The following PPP2R5E variants were observed in gnomAD, a reference collection of about 807,000 sequenced individuals.
PPP2R5E encodes protein phosphatase 2 regulatory subunit B'epsilon, also known as serine/threonine-protein phosphatase 2A 56 kDa regulatory subunit epsilon isoform.
In PPP2R5E, 4 loss-of-function variants were observed where a neutral mutation model predicts 65.3. The ratio of observed to expected loss-of-function variants is 0.06; its 90% CI spans 0.03 to 0.14. The LOEUF is 0.14. Ranked by LOEUF, PPP2R5E falls within the 10% of genes least tolerant of loss-of-function variation. The pLI is 1.00. For missense variants in PPP2R5E, 274 were observed against 556.1 expected (o/e 0.49, Z 5.10); for synonymous variants, 183 against 187.4 (o/e 0.98, Z 0.19).
At position 63,395,290 on chromosome 14, in the gene PPP2R5E, G is replaced by A; in HGVS notation, c.681-5C>T. On this transcript the variant is annotated splice_region_variant and splice_polypyrimidine_tract_variant and intron_variant, in intron 6 of 13. Coordinates refer to ENST00000337537, the MANE Select transcript of PPP2R5E (RefSeq NM_006246.5). ...TGTTCTGTTTCATAAACAAACCTGA[G>A]AGAAGAGGAGAAAAGGGAGGAGAAA... 1 of 1,594,678 alleles carries A rather than the reference G, an allele frequency of 6.3e-7. No homozygotes were observed. The highest frequency in any genetic ancestry group is 1.1e-5 in the South Asian group (1 of 90,230).
At chr14:63,393,438 G>A (rs1474972865) in intron 8 of PPP2R5E, among the ~76,000 whole-genome samples, 10 of 152,152 alleles carry the variant, frequency 6.6e-5, no homozygotes, top group African/African-American at 1.9e-4. Context: ...TAGGCCCGGC[G>A]CCGTGGCTCA....
chr14:63,380,616 C>T (rs551709131), intron 13 of PPP2R5E, among the ~76,000 whole-genome samples: 60 of 151,732 alleles, frequency 4.0e-4, no homozygotes, highest in Non-Finnish European at 6.2e-4. Flanking sequence ...GAGCTGAGAT[C>T]GCGCCACTGC....
intron 3 of PPP2R5E, among the ~76,000 whole-genome samples, chr14:63,446,702 G>A (rs990748247): frequency 2.0e-5 from 3 of 151,722 alleles, no homozygotes; most frequent in Admixed American, 1.3e-4. Flanking sequence ...AGTGGCAGGC[G>A]CCTGTAGTCT....
In PPP2R5E at chr14:63,373,375, G is replaced by A. The variant is rs1253116180; in HGVS notation, c.*2634C>T. 2.0e-5 allele frequency: 3 copies of A among 152,248 alleles called. No individual in the cohort carries two copies. The highest frequency in any genetic ancestry group is 2.9e-5 in the Non-Finnish European group (2 of 68,044). 9.4% of individuals were successfully genotyped at this position (152,248 alleles called of 1,614,324 possible). ...CAGCAGAATTGTGGGAAGGGACAGAGAGAGAGGGCTGCTGCAAATGCAGCA... is the reference window on the plus strand; with the variant it reads ...CAGCAGAATTGTGGGAAGGGACAGAAAGAGAGGGCTGCTGCAAATGCAGCA... On this transcript the variant is annotated 3_prime_UTR_variant, in exon 14 of 14. Coordinates refer to ENST00000337537, the MANE Select transcript of PPP2R5E (RefSeq NM_006246.5).
intron 2 of PPP2R5E, among the ~76,000 whole-genome samples, chr14:63,480,900 T>A (rs956777394): frequency 3.3e-5 from 5 of 152,208 alleles, no homozygotes; most frequent in Non-Finnish European, 7.3e-5. Context: ...TCCCAAACCT[T>A]AGCACAGCTC....
intron 2 of PPP2R5E, among the ~76,000 whole-genome samples, chr14:63,458,052 G>A (rs756006578): frequency 6.6e-5 from 10 of 152,044 alleles, no homozygotes; most frequent in South Asian, 2.1e-4. Flanking sequence ...AAATGACTAC[G>A]CCTACCTCCA....
At chr14:63,382,403 C>CTTT (rs576740305) in intron 12 of PPP2R5E, among the ~76,000 whole-genome samples, 3 of 138,578 alleles carry the variant, frequency 2.2e-5, no homozygotes, top group Non-Finnish European at 3.2e-5. Flanking sequence ...CTTCTAATTT[C>CTTT]TTTTTTTTTT....
chr14:63,433,996 T>G (rs1490124574), intron 3 of PPP2R5E, among the ~76,000 whole-genome samples: 1 of 152,218 alleles, frequency 6.6e-6, no homozygotes, highest in African/African-American at 2.4e-5. Flanking sequence ...TTTGCTTTGT[T>G]CTTGTGGGTT....
intron 4 of PPP2R5E, among the ~76,000 whole-genome samples, chr14:63,420,098 T>C (rs1025406838): frequency 3.3e-5 from 5 of 152,202 alleles, no homozygotes; most frequent in African/African-American, 1.2e-4. Context: ...ATGGTTATCA[T>C]GACATAGAAT....
chr14:63,513,191 T>G (rs1429151515), intron 2 of PPP2R5E, among the ~76,000 whole-genome samples: 1 of 152,196 alleles, frequency 6.6e-6, no homozygotes, highest in East Asian at 1.9e-4. Flanking sequence ...AGAAAATTCC[T>G]GAAGATGGAT....
intron 3 of PPP2R5E, among the ~76,000 whole-genome samples, chr14:63,434,686 A>G (rs1887866995): frequency 6.6e-6 from 1 of 152,112 alleles, no homozygotes; most frequent in African/African-American, 2.4e-5. Context: ...GTCAAAACCA[A>G]TTTCACTCTC....
chr14:63,375,954 C>A lies in PPP2R5E; in HGVS notation c.*55G>T. The A allele has an allele frequency of 8.0e-7, 1 of 1,255,908 alleles. No individual in the cohort carries two copies. The highest frequency in any genetic ancestry group is 1.1e-6 in the Non-Finnish European group (1 of 870,256). The allele number at this position is 1,255,908 out of a possible 1,614,324, so 77.8% of individuals were successfully genotyped here. On this transcript the variant is annotated 3_prime_UTR_variant, in exon 14 of 14. Coordinates refer to ENST00000337537, the MANE Select transcript of PPP2R5E (RefSeq NM_006246.5). ...ATACAGAAAACTGTTGCTCCATCTT[C>A]TACTACATAAACGTGTGACTCCACA...
At chr14:63,396,541 A>G (rs752391540) in intron 6 of PPP2R5E, 45 bp downstream of exon 6, 18 of 1,600,926 alleles carry the variant, frequency 1.1e-5, no homozygotes, top group Admixed American at 6.8e-5. Flanking sequence ...ACTCATAAAA[A>G]CACCAACTTT....
intron 2 of PPP2R5E, among the ~76,000 whole-genome samples, chr14:63,533,594 A>C (rs557461379): frequency 1.3e-4 from 19 of 151,700 alleles, no homozygotes; most frequent in African/African-American, 4.6e-4. Flanking sequence ...CTAAAAGTGA[A>C]TGTACAAACT....
intron 2 of PPP2R5E, among the ~76,000 whole-genome samples, chr14:63,520,094 G>A (rs768135966): frequency 1.3e-5 from 2 of 152,090 alleles, no homozygotes; most frequent in African/African-American, 4.8e-5. Context: ...GGAGTGCAGT[G>A]GCGCAATCTC....
chr14:63,483,394 T>A (rs1890809074), intron 2 of PPP2R5E, among the ~76,000 whole-genome samples: 1 of 151,476 alleles, frequency 6.6e-6, no homozygotes, highest in East Asian at 1.9e-4. Context: ...CTCAAAGAAG[T>A]AGTGATATCT....
intron 2 of PPP2R5E, among the ~76,000 whole-genome samples, chr14:63,520,161 G>C (rs1042914602): frequency 6.6e-6 from 1 of 152,026 alleles, no homozygotes; most frequent in Non-Finnish European, 1.5e-5. Flanking sequence ...TCAGCCTCTG[G>C]AGTAGCTGGG....
At chr14:63,454,096 T>C (rs760490869) in intron 2 of PPP2R5E, among the ~76,000 whole-genome samples, 2 of 152,194 alleles carry the variant, frequency 1.3e-5, no homozygotes, top group African/African-American at 2.4e-5. Flanking sequence ...ACCAACAAAA[T>C]TGACTGTATT....
intron 5 of PPP2R5E, among the ~76,000 whole-genome samples, chr14:63,412,873 T>A (rs534268495): frequency 6.6e-6 from 1 of 152,172 alleles, no homozygotes; most frequent in African/African-American, 2.4e-5. Flanking sequence ...ACCACTGTTA[T>A]AGAGAAAAAG....
Sources: allele counts gnomAD v4.1 joint callset (sites outside exome capture counted in the v4.1 genomes callset), GRCh38; gene constraint gnomAD v4.1.1; transcripts MANE v1.5; gene names NCBI Gene and HGNC (gene_info 2026-07-23, HGNC 2026-07-21).